TRPA1: variants seen among roughly 807,000 people sequenced by gnomAD.
TRPA1 encodes transient receptor potential cation channel subfamily A member 1, also known as ankyrin-like with transmembrane domains 1.
A neutral mutation model predicts 131.3 loss-of-function variants in TRPA1; 129 were observed. That is an observed-to-expected ratio of 0.98 (90% confidence interval 0.85 to 1.14). TRPA1 has a LOEUF of 1.14. Among genes scored for constraint, TRPA1 ranks in the 50% most tolerant of loss-of-function variants. The pLI, the probability that TRPA1 is intolerant of heterozygous loss-of-function variation, is 0.00. For missense variants in TRPA1, 1,304 were observed against 1,354.2 expected (o/e 0.96, Z 0.58); for synonymous variants, 441 against 451.7 (o/e 0.98, Z 0.30).
chr8:72,029,841 A>C, intron 24 of TRPA1, 60 bp downstream of exon 24: 1 of 1,521,078 alleles, frequency 6.6e-7, no homozygotes, highest in Middle Eastern at 1.7e-4. Flanking sequence ...TAATATTTTT[A>C]ACTTATTGTG....
chr8:72,080,801 T>C, the TRPA1 span, among the ~76,000 whole-genome samples: 4 of 151,940 alleles, frequency 2.6e-5, no homozygotes, highest in East Asian at 5.8e-4. Flanking sequence ...GTCCATTTAA[T>C]CTAAGTTGTC....
chr8:72,055,362 A>C (rs1805635722), intron 12 of TRPA1, 74 bp downstream of exon 12: 4 of 1,312,886 alleles, frequency 3.0e-6, no homozygotes, highest in Non-Finnish European at 4.4e-6. Context: ...TCATAATTAA[A>C]AATATAATGA....
In TRPA1 at chr8:72,075,333, G is replaced by T. The variant is rs775549270; in HGVS notation, c.77C>A (p.Pro26Gln). ...EPQGVVYEDV[P>Q]DDTEDFKESL... ...TTCCTTGAAATCCTCCGTGTCGTCC[G>T]GCACATCCTCATAGACAACGCCCTG... Residue 26 changes from proline (P) to glutamine (Q), a missense_variant, in exon 1 of 27, where the codon CCG becomes CAG. Coordinates refer to ENST00000262209, the MANE Select transcript of TRPA1 (RefSeq NM_007332.3). The T allele has an allele frequency of 1.2e-6, 2 of 1,613,334 alleles. No individual in the cohort carries two copies. Among genetic ancestry groups the T allele is most frequent in the Non-Finnish European group, 1.7e-6 (2 of 1,179,806 alleles).
At chr8:72,043,864 G>C (rs1812340600) in intron 17 of TRPA1, among the ~76,000 whole-genome samples, 1 of 151,638 alleles carries the variant, frequency 6.6e-6, no homozygotes, top group Admixed American at 6.6e-5. Context: ...AAATCTTTTA[G>C]AAGCTTATTT....
chr8:72,072,687 A>G (rs1450626007), intron 1 of TRPA1, among the ~76,000 whole-genome samples: 4 of 152,272 alleles, frequency 2.6e-5, no homozygotes, highest in Middle Eastern at 3.4e-3. Context: ...GTTGGCCTAA[A>G]TCTATTTGGA....
At chr8:72,062,561 G>GAT (rs1805832505) in intron 6 of TRPA1, among the ~76,000 whole-genome samples, 1 of 152,108 alleles carries the variant, frequency 6.6e-6, no homozygotes, top group South Asian at 2.1e-4. Context: ...AACTGCACTA[G>GAT]ATATATAGTC....
intron 14 of TRPA1, among the ~76,000 whole-genome samples, chr8:72,052,086 T>C (rs1269059580): frequency 6.6e-6 from 1 of 152,238 alleles, no homozygotes; most frequent in Non-Finnish European, 1.5e-5. Flanking sequence ...GCATCTCATG[T>C]ACCTGATACA....
chr8:72,039,660 G>A, intron 18 of TRPA1, 67 bp downstream of exon 18: 2 of 1,032,344 alleles, frequency 1.9e-6, no homozygotes, highest in Non-Finnish European at 3.0e-6. Flanking sequence ...CAATATAATT[G>A]TTTTGAAGGC....
chr8:72,055,301 G>C, intron 12 of TRPA1, 135 bp downstream of exon 12: 1 of 734,344 alleles, frequency 1.4e-6, no homozygotes. Flanking sequence ...CATATGTTTT[G>C]ATGAAAAAAT....
intron 17 of TRPA1, among the ~76,000 whole-genome samples, chr8:72,043,731 C>G (rs1411369690): frequency 6.6e-6 from 1 of 151,770 alleles, no homozygotes; most frequent in Non-Finnish European, 1.5e-5. Flanking sequence ...ATTGTACTTT[C>G]CAAAATTATT....
chr8:72,052,446 AT>A (rs1190744596), intron 14 of TRPA1, 152 bp downstream of exon 14: 14 of 870,760 alleles, frequency 1.6e-5, no homozygotes, highest in Non-Finnish European at 2.4e-5. Flanking sequence ...AAAATAAAAA[AT>A]AAAAAACCTT....
At chr8:72,082,749 A>C in the TRPA1 span, among the ~76,000 whole-genome samples, 868 of 151,628 alleles carry the variant, frequency 5.7e-3, 13 homozygotes, top group African/African-American at 0.02. Flanking sequence ...TCTGTCTTTC[A>C]GCAACTTGAC....
chr8:72,026,445 C>T (rs1360501137), intron 24 of TRPA1, among the ~76,000 whole-genome samples: 1 of 152,310 alleles, frequency 6.6e-6, no homozygotes, highest in East Asian at 1.9e-4. Flanking sequence ...TGCGGTGTTG[C>T]AATACTACAA....
the TRPA1 span, among the ~76,000 whole-genome samples, chr8:72,083,756 A>G: frequency 1.6e-4 from 24 of 151,180 alleles, no homozygotes; most frequent in Non-Finnish European, 3.4e-4. Context: ...ACAAAAACAA[A>G]AAACGAACAA....
the TRPA1 span, among the ~76,000 whole-genome samples, chr8:72,088,113 A>G: frequency 6.6e-6 from 1 of 152,188 alleles, no homozygotes; most frequent in Non-Finnish European, 1.5e-5. Context: ...TTTCTCAATT[A>G]ATAACTTGTC....
chr8:72,075,179 A>T lies in TRPA1; in HGVS notation c.111+120T>A, dbSNP rs1421684058. On this transcript the variant is annotated intron_variant, in intron 1 of 26. Transcript: ENST00000262209. ...TAGGGTCACCTCTTGGATTGTGCAC[A>T]CACCCCAAAGCTTGCAACCCCCACG... 8.9e-6 allele frequency: 7 copies of T among 786,628 alleles called. No homozygotes were observed. The Admixed American group carries it at 1.3e-4, about 15-fold the overall frequency. 48.7% of individuals were successfully genotyped at this position (786,628 alleles called of 1,614,324 possible). A position where few individuals can be genotyped will look rare whatever the true frequency, so the allele number is the denominator to read the frequency against.
At chr8:72,039,627 G>A in intron 18 of TRPA1, 100 bp downstream of exon 18, 1 of 843,784 alleles carries the variant, frequency 1.2e-6, no homozygotes, top group Middle Eastern at 2.3e-4. Context: ...AATAACAAAA[G>A]CTAAAACATT....
chr8:72,059,249 G>A, intron 8 of TRPA1, 141 bp downstream of exon 8: 1 of 622,364 alleles, frequency 1.6e-6, no homozygotes, highest in South Asian at 2.3e-5. Flanking sequence ...TTCCAAGTAT[G>A]TCAATCATCA....
At chr8:72,033,613 C>T (rs749053240) in intron 23 of TRPA1, 31 bp downstream of exon 23, 14 of 1,581,980 alleles carry the variant, frequency 8.8e-6, no homozygotes, top group Non-Finnish European at 1.0e-5. Context: ...AAATGATCAA[C>T]AAACAGAAAA....
Sources: gnomAD v4.1 joint callset for allele counts (sites outside exome capture counted in the v4.1 genomes callset) on GRCh38, gnomAD v4.1.1 for gene constraint, MANE v1.5 for transcripts, NCBI Gene and HGNC (gene_info 2026-07-23, HGNC 2026-07-21) for gene names.